SPRING1: variants seen among roughly 807,000 people sequenced by gnomAD.
SPRING1 encodes SREBP regulating gene protein.
Under a neutral mutation model 24.7 loss-of-function variants are expected in SPRING1, and 14 were observed. That is an observed-to-expected ratio of 0.57 (90% CI 0.37 to 0.88). The LOEUF (loss-of-function observed/expected upper bound fraction) is 0.88. SPRING1 is among the 40% of genes least tolerant of loss of function. The pLI, the probability that SPRING1 is intolerant of heterozygous loss-of-function variation, is 0.00. For synonymous variants in SPRING1, 93 were observed against 106.1 expected, an observed-to-expected ratio of 0.88 and a Z score of 0.76; for missense variants, 255 against 268.4, an observed-to-expected ratio of 0.95 and a Z score of 0.35.
chr12:116,725,266 G>A (rs376156375), intron 1 of SPRING1, among the ~76,000 whole-genome samples: 29 of 152,080 alleles, frequency 1.9e-4, no homozygotes, highest in Admixed American at 1.2e-3. Context: ...ATCCCATTCC[G>A]TCCCGCCCGG....
chr12:116,726,898 T>C (rs1870722917), intron 1 of SPRING1, among the ~76,000 whole-genome samples: 1 of 152,226 alleles, frequency 6.6e-6, no homozygotes, highest in South Asian at 2.1e-4. Flanking sequence ...TGCCACATCA[T>C]GACATTCCTG....
rs1005216394 is a variant in SPRING1, at chr12:116,737,979, G to C, written c.-79C>G. ...GTCCCGGGCGGCATGGCCCCTACGC[G>C]CCCGGCAGCCCCATCCCTCCAGGCA... On this transcript the variant is annotated 5_prime_UTR_variant, in exon 1 of 5. Transcript: ENST00000261318. 2 of 1,204,884 alleles carry C rather than the reference G, an allele frequency of 1.7e-6. No homozygotes were observed. Among genetic ancestry groups the C allele is most frequent in the African/African-American group, 3.2e-5 (2 of 62,196 alleles). 74.6% of individuals were successfully genotyped at this position (1,204,884 alleles called of 1,614,324 possible).
At chr12:116,725,537 T>G (rs184975123) in intron 1 of SPRING1, among the ~76,000 whole-genome samples, 1 of 152,154 alleles carries the variant, frequency 6.6e-6, no homozygotes, top group African/African-American at 2.4e-5. Flanking sequence ...AAAAACAGGA[T>G]TATTAATAAC....
In SPRING1 at chr12:116,710,992, C is replaced by G. The variant is rs1869845435; in HGVS notation, c.*6818G>C. ...AAATTAGGATATTGCTCACATACTT[C>G]ATACTGCTTTTGTTACACACACACA... On this transcript the variant is annotated 3_prime_UTR_variant, in exon 5 of 5. Coordinates refer to ENST00000261318, the MANE Select transcript of SPRING1 (RefSeq NM_024738.4). The G allele has an allele frequency of 1.4e-5, 2 of 144,274 alleles. No homozygotes were observed. The highest frequency in any genetic ancestry group is 3.0e-5 in the Non-Finnish European group (2 of 66,444). The allele number at this position is 144,274 out of a possible 1,614,324, so 8.9% of individuals were successfully genotyped here.
intron 1 of SPRING1, among the ~76,000 whole-genome samples, chr12:116,737,533 AG>A (rs1871305825): frequency 1.9e-4 from 1 of 5,382 alleles, no homozygotes; most frequent in African/African-American, 4.2e-4. Flanking sequence ...AGGAAGGAGG[AG>A]GAAGGTGAGG....
intron 1 of SPRING1, among the ~76,000 whole-genome samples, chr12:116,725,194 G>C (rs1049398980): frequency 6.6e-6 from 1 of 152,226 alleles, no homozygotes; most frequent in Non-Finnish European, 1.5e-5. Flanking sequence ...AACTGCAGAA[G>C]TAAACAGTTC....
rs559725567 is a variant in SPRING1, at chr12:116,731,545, A to G, written c.111+6245T>C. On this transcript the variant is annotated intron_variant, in intron 1 of 4. Coordinates refer to ENST00000261318, the MANE Select transcript of SPRING1 (RefSeq NM_024738.4). ...CATTGCTTAAACCCAGGAGTTGGAC[A>G]CCAGCCTGGAAAAAATAATGAGGGC... Among the ~76,000 whole-genome samples the G allele has an allele frequency of 6.0e-4, 91 of 152,150 alleles. 1 individual carries two copies. The highest frequency in any genetic ancestry group is 2.0e-3 in the African/African-American group (85 of 41,496).
Position 116,715,940 on chromosome 12 carries a change from A to G in SPRING1, c.*1870T>C, listed in dbSNP as rs1870107151. ...ACAGGCACAGGCTGCCCTTTGGTAT[A>G]AACTGTTCACATTAAATCTATGTTA... is the stretch of plus-strand genomic sequence containing the variant. On this transcript the variant is annotated 3_prime_UTR_variant, in exon 5 of 5. Transcript: ENST00000261318. 1 of 152,224 alleles carries G rather than the reference A, an allele frequency of 6.6e-6. No homozygotes were observed. Among genetic ancestry groups the G allele is most frequent in the African/African-American group, 2.4e-5 (1 of 41,460 alleles). 9.4% of individuals were successfully genotyped at this position (152,224 alleles called of 1,614,324 possible). A position where few individuals can be genotyped will look rare whatever the true frequency, so the allele number is the denominator to read the frequency against.
intron 3 of SPRING1, 39 bp from the exon 4 acceptor site, chr12:116,719,915 A>G: frequency 6.5e-7 from 1 of 1,539,688 alleles, no homozygotes; most frequent in Non-Finnish European, 9.0e-7. Flanking sequence ...TAAATTACCT[A>G]AGCCAGCACA....
intron 4 of SPRING1, among the ~76,000 whole-genome samples, chr12:116,718,891 T>C (rs571724378): frequency 2.6e-5 from 4 of 152,220 alleles, no homozygotes; most frequent in African/African-American, 9.6e-5. Flanking sequence ...TTATAATCCC[T>C]GAAACATTTA....
chr12:116,733,228 G>A (rs1363613939), intron 1 of SPRING1, among the ~76,000 whole-genome samples: 5 of 151,922 alleles, frequency 3.3e-5, no homozygotes, highest in African/African-American at 4.9e-5. Flanking sequence ...TGTCGCCCAC[G>A]CTGGAGTGCA....
chr12:116,713,237 TG>T lies in SPRING1; in HGVS notation c.*4572del, dbSNP rs2137023544. ...CCCTGTTGAGCACCACTGCCCTAGATGAACTGGAAAAGTTGGTTTGTGAATA... is the reference window on the plus strand; with the variant it reads ...CCCTGTTGAGCACCACTGCCCTAGATAACTGGAAAAGTTGGTTTGTGAATA... On this transcript the variant is annotated 3_prime_UTR_variant, in exon 5 of 5. Coordinates refer to ENST00000261318, the MANE Select transcript of SPRING1 (RefSeq NM_024738.4). The T allele has an allele frequency of 6.6e-6, 1 of 152,382 alleles. No individual in the cohort carries two copies. The highest frequency in any genetic ancestry group is 1.9e-4 in the East Asian group (1 of 5,188). 9.4% of individuals were successfully genotyped at this position (152,382 alleles called of 1,614,324 possible).
chr12:116,727,197 A>G (rs889160302), intron 1 of SPRING1, among the ~76,000 whole-genome samples: 12 of 152,248 alleles, frequency 7.9e-5, no homozygotes, highest in African/African-American at 2.7e-4. Context: ...TAGTTCTTAC[A>G]GAATGCTAAG....
At position 116,728,038 on chromosome 12, in the gene SPRING1, T is replaced by G. The variant is rs1870788498; in HGVS notation, c.112-4815A>C. ...CTTTAAGGCTGAACACGTTCGTAGA[T>G]TTTCAAGGAGTTATGCAAACAGCCC... On this transcript the variant is annotated intron_variant, in intron 1 of 4. Transcript: ENST00000261318. This position sits in a 1 kb window ranked among gnomAD's most constrained non-coding sequence, Gnocchi z 4.2. Among the ~76,000 whole-genome samples the G allele has an allele frequency of 6.6e-6, 1 of 152,166 alleles. No individual in the cohort carries two copies. Among genetic ancestry groups the G allele is most frequent in the South Asian group, 2.1e-4 (1 of 4,832 alleles).
Position 116,728,003 on chromosome 12 carries a change from C to T in SPRING1, c.112-4780G>A, listed in dbSNP as rs1870786411. Among the ~76,000 whole-genome samples, 1 of 152,176 alleles carries T rather than the reference C, an allele frequency of 6.6e-6. No individual in the cohort carries two copies. Among genetic ancestry groups the T allele is most frequent in the African/African-American group, 2.4e-5 (1 of 41,436 alleles). The stretch of plus-strand genomic sequence containing the variant: ...GTATCTAACTTGGCACCAATTTACA[C>T]ACTTAGCTCCTTTAAGGCTGAACAC... On this transcript the variant is annotated intron_variant, in intron 1 of 4. Coordinates refer to ENST00000261318, the MANE Select transcript of SPRING1 (RefSeq NM_024738.4). This position sits in a 1 kb window ranked among gnomAD's most constrained non-coding sequence, Gnocchi z 4.2.
At chr12:116,719,964 T>C in intron 3 of SPRING1, 88 bp from the exon 4 acceptor site, 1 of 1,146,574 alleles carries the variant, frequency 8.7e-7, no homozygotes, top group Non-Finnish European at 1.3e-6. Flanking sequence ...AAGAGAATGC[T>C]GATACAGGGA....
rs1348530592 is a variant in SPRING1, at chr12:116,719,873, G to A, written c.424C>T (p.Leu142Phe). Residue 142 changes from leucine (L) to phenylalanine (F), a missense_variant, in exon 4 of 5, where the codon CTT becomes TTT. Coordinates refer to ENST00000261318, the MANE Select transcript of SPRING1 (RefSeq NM_024738.4). The stretch of plus-strand genomic sequence containing the variant: ...CGGTTGAGGAAGCGCTCCAGGAGAA[G>A]TTGCTATGGAAACAAAAGTTAGTGC... ...VSCCLQPNKQ[L>F]LLERFLNRAA... 3.7e-6 allele frequency: 6 copies of A among 1,614,064 alleles called. 1 individual carries two copies. Among genetic ancestry groups the A allele is most frequent in the African/African-American group, 1.3e-5 (1 of 75,040 alleles).
In SPRING1 at chr12:116,717,726, G is replaced by T; in HGVS notation, c.*84C>A. On this transcript the variant is annotated 3_prime_UTR_variant, in exon 5 of 5. Coordinates refer to ENST00000261318, the MANE Select transcript of SPRING1 (RefSeq NM_024738.4). The surrounding 1 kb of genome is among the most constrained non-coding windows in gnomAD (Gnocchi z 4.2). ...GCCTTTGTCTTCTTCCTGCAGCCTG[G>T]CCCGATGGCTGAAGCTGGGTCCCAG... 8.2e-7 allele frequency: 1 copy of T among 1,219,142 alleles called. No individual in the cohort carries two copies. Among genetic ancestry groups the T allele is most frequent in the Non-Finnish European group, 1.1e-6 (1 of 872,796 alleles). 75.5% of individuals were successfully genotyped at this position (1,219,142 alleles called of 1,614,324 possible).
intron 1 of SPRING1, among the ~76,000 whole-genome samples, chr12:116,732,184 T>C (rs1871007365): frequency 6.6e-6 from 1 of 152,228 alleles, no homozygotes; most frequent in Non-Finnish European, 1.5e-5. Flanking sequence ...CAACTGCTGC[T>C]GGAGCAGACA....
Sources: gnomAD v4.1 joint callset for allele counts (sites outside exome capture counted in the v4.1 genomes callset) on GRCh38, gnomAD v4.1.1 for gene constraint, Gnocchi (gnomAD v3.1) non-coding constraint, MANE v1.5 for transcripts, NCBI Gene and HGNC (gene_info 2026-07-23, HGNC 2026-07-21) for gene names.